Variants in MRPS9 observed in about 807,000 individuals in gnomAD.
The protein encoded by MRPS9 is mitochondrial ribosomal protein S9.
MRPS9 carries 45 observed loss-of-function variants against 59.9 expected under a neutral mutation model. The observed-to-expected ratio is 0.75, with a 90% CI of 0.59 to 0.96. MRPS9 has a LOEUF of 0.96. Ranked by LOEUF, MRPS9 falls within the 40% of genes least tolerant of loss-of-function variation. The pLI, the probability that MRPS9 is intolerant of heterozygous loss-of-function variation, is 0.00. For synonymous variants in MRPS9, 171 were observed against 166.8 expected, an observed-to-expected ratio of 1.03 and a Z score of -0.19; for missense variants, 473 against 481.1, an observed-to-expected ratio of 0.98 and a Z score of 0.16.
intron 7 of MRPS9, 39 bp from the exon 8 acceptor site, chr2:105,092,362 T>C (rs777402417): frequency 5.3e-6 from 8 of 1,508,378 alleles, no homozygotes; most frequent in Admixed American, 2.3e-5. Context: ...GCAAATGCAA[T>C]TACACTTGCA....
At chr2:105,088,109 CAAAAAAA>C (rs374505636) in intron 5 of MRPS9, among the ~76,000 whole-genome samples, 1 of 88,326 alleles carries the variant, frequency 1.1e-5, no homozygotes, top group Non-Finnish European at 2.4e-5. Context: ...TCATGATTAG[CAAAAAAA>C]AAAAAAAAAG....
At chr2:105,057,563 C>T (rs952288312) in intron 2 of MRPS9, among the ~76,000 whole-genome samples, 1 of 152,104 alleles carries the variant, frequency 6.6e-6, no homozygotes, top group Non-Finnish European at 1.5e-5. Context: ...CTTATTGACC[C>T]CAAGACTAAA....
intron 5 of MRPS9, among the ~76,000 whole-genome samples, chr2:105,087,198 T>G (rs1047596965): frequency 2.6e-5 from 4 of 151,750 alleles, no homozygotes; most frequent in African/African-American, 7.3e-5. Context: ...TGGTTTTGCT[T>G]TAGGGTGGAC....
At chr2:105,043,119 TA>T (rs1679529435) in intron 1 of MRPS9, among the ~76,000 whole-genome samples, 1 of 152,234 alleles carries the variant, frequency 6.6e-6, no homozygotes, top group African/African-American at 2.4e-5. Flanking sequence ...TATCATCTAT[TA>T]CCTATTTCAT....
chr2:105,061,109 C>CAAAAAAAAAAA (rs751155585), intron 2 of MRPS9, among the ~76,000 whole-genome samples: 1 of 47,984 alleles, frequency 2.1e-5, no homozygotes, highest in Non-Finnish European at 3.8e-5. Flanking sequence ...GACTCTGTCT[C>CAAAAAAAAAAA]AAAAAAAAAA....
At chr2:105,068,734 C>T (rs1351840536) in intron 2 of MRPS9, among the ~76,000 whole-genome samples, 1 of 152,190 alleles carries the variant, frequency 6.6e-6, no homozygotes, top group East Asian at 1.9e-4. Flanking sequence ...CTGTTTCTTA[C>T]ACCAAAGCAG....
In MRPS9 at chr2:105,089,085, G is replaced by T; in HGVS notation, c.575+16G>T. The stretch of plus-strand genomic sequence containing the variant: ...CTGTAACCAGGTAAGCTCTTTTCTT[G>T]CATTAAAATATAAGTAAAATTTGAA... On this transcript the variant is annotated intron_variant, in intron 6 of 10. Coordinates refer to ENST00000258455, the MANE Select transcript of MRPS9 (RefSeq NM_182640.3). 6.3e-7 allele frequency: 1 copy of T among 1,583,444 alleles called. No homozygotes were observed. Among genetic ancestry groups the T allele is most frequent in the South Asian group, 1.1e-5 (1 of 88,496 alleles).
intron 4 of MRPS9, among the ~76,000 whole-genome samples, chr2:105,078,188 A>G (rs1680252249): frequency 6.7e-6 from 1 of 150,154 alleles, no homozygotes; most frequent in Admixed American, 6.7e-5. Flanking sequence ...AGCAGGGAAC[A>G]CTTCACAATT....
rs188632731 is a variant in MRPS9 at position 105,069,434 on chromosome 2, C to T, written c.316-1879C>T. Among the ~76,000 whole-genome samples, 80 of 152,114 alleles carry T rather than the reference C, an allele frequency of 5.3e-4. 2 individuals are homozygous for T. The East Asian group carries it at 0.014, about 27-fold the overall frequency. ...TTCACCACGTTGGCCAGTCTGGTCT[C>T]GAACTCCTGACCTCGTGATCCACCC... On this transcript the variant is annotated intron_variant, in intron 2 of 10. Coordinates refer to ENST00000258455, the MANE Select transcript of MRPS9 (RefSeq NM_182640.3).
intron 2 of MRPS9, among the ~76,000 whole-genome samples, chr2:105,060,928 C>T (rs966296380): frequency 6.6e-6 from 1 of 151,016 alleles, no homozygotes; most frequent in African/African-American, 2.4e-5. Flanking sequence ...TGGCTAACAC[C>T]GTGAAACCCT....
intron 4 of MRPS9, among the ~76,000 whole-genome samples, chr2:105,077,279 T>C (rs1366103817): frequency 1.4e-5 from 2 of 147,334 alleles, no homozygotes; most frequent in East Asian, 3.9e-4. Context: ...AAATAACATC[T>C]TGTAAAACAA....
At chr2:105,055,803 G>A (rs1433033959) in intron 2 of MRPS9, among the ~76,000 whole-genome samples, 1 of 152,120 alleles carries the variant, frequency 6.6e-6, no homozygotes, top group African/African-American at 2.4e-5. Context: ...AAACACTATG[G>A]CTGATGAGTC....
intron 1 of MRPS9, among the ~76,000 whole-genome samples, chr2:105,044,318 T>C (rs1347916333): frequency 1.3e-5 from 2 of 152,212 alleles, no homozygotes; most frequent in African/African-American, 4.8e-5. Context: ...TTCACACTCT[T>C]AGCCTCACCT....
intron 5 of MRPS9, among the ~76,000 whole-genome samples, chr2:105,088,225 A>C (rs1680488228): frequency 6.6e-6 from 1 of 152,216 alleles, no homozygotes; most frequent in Non-Finnish European, 1.5e-5. Context: ...GAATAAATAC[A>C]AATGTATTGA....
intron 4 of MRPS9, among the ~76,000 whole-genome samples, chr2:105,078,057 T>C (rs1558759145): frequency 1.3e-5 from 2 of 151,672 alleles, no homozygotes; most frequent in African/African-American, 4.8e-5. Flanking sequence ...CTAATTAAAA[T>C]GGTGGTTACT....
chr2:105,096,772 G>A (rs1680669275), intron 9 of MRPS9, among the ~76,000 whole-genome samples: 1 of 152,098 alleles, frequency 6.6e-6, no homozygotes, highest in African/African-American at 2.4e-5. Flanking sequence ...TGTTTGGAAA[G>A]GCCTATTGAT....
intron 9 of MRPS9, among the ~76,000 whole-genome samples, chr2:105,094,496 C>T (rs190539575): frequency 3.3e-5 from 5 of 152,238 alleles, no homozygotes; most frequent in East Asian, 1.9e-4. Context: ...GCATGTGTTA[C>T]GGTATTTAAG....
At chr2:105,082,674 C>T (rs1267011807) in intron 5 of MRPS9, among the ~76,000 whole-genome samples, 1 of 152,034 alleles carries the variant, frequency 6.6e-6, no homozygotes, top group Non-Finnish European at 1.5e-5. Context: ...TTTATTGTTC[C>T]TGCCCAGAAA....
chr2:105,044,494 A>G (rs563641702), intron 1 of MRPS9, among the ~76,000 whole-genome samples: 5 of 152,344 alleles, frequency 3.3e-5, no homozygotes, highest in African/African-American at 1.2e-4. Context: ...CCAGAATGCC[A>G]TACTCTTAAG....
Sources: gnomAD v4.1 joint callset for allele counts (sites outside exome capture counted in the v4.1 genomes callset) on GRCh38, gnomAD v4.1.1 for gene constraint, MANE v1.5 for transcripts, NCBI Gene and HGNC (gene_info 2026-07-23, HGNC 2026-07-21) for gene names.